Variants in ZNF567 observed in about 807,000 individuals in gnomAD.
ZNF567 encodes the protein zinc finger protein 567.
A neutral mutation model predicts 53.9 loss-of-function variants in ZNF567; 36 were observed. The ratio of observed to expected loss-of-function variants is 0.67; its 90% CI spans 0.51 to 0.88. ZNF567 has a LOEUF of 0.88. Ranked by LOEUF, ZNF567 falls within the 40% of genes least tolerant of loss-of-function variation. The probability of loss-of-function intolerance (pLI) is 0.00; values close to 1 mark genes in which losing one functional copy is unlikely to be tolerated. For missense variants in ZNF567, 619 were observed against 764.7 expected, an observed-to-expected ratio of 0.81 and a Z score of 2.25; for synonymous variants, 224 against 260.4, an observed-to-expected ratio of 0.86 and a Z score of 1.35.
At chr19:36,670,107 G>A in the ZNF567 span, among the ~76,000 whole-genome samples, 6 of 152,078 alleles carry the variant, frequency 3.9e-5, no homozygotes, top group Non-Finnish European at 1.5e-5. Flanking sequence ...TCAATTCCAG[G>A]AGATCCAAAA....
chr19:36,683,441 T>C (rs1209000875), upstream of ZNF567, among the ~76,000 whole-genome samples: 2 of 152,204 alleles, frequency 1.3e-5, no homozygotes, highest in Non-Finnish European at 2.9e-5. Flanking sequence ...TCAGTTCTGG[T>C]TTTTGTTTCT....
At chr19:36,724,233 C>T (rs1214753796), downstream of ZNF567, among the ~76,000 whole-genome samples, 7 of 151,400 alleles carry the variant, frequency 4.6e-5, no homozygotes, top group African/African-American at 7.3e-5. Flanking sequence ...CTCGAACATC[C>T]GACTTCAGGT....
At chr19:36,677,458 CAAAAAAA>C in the ZNF567 span, among the ~76,000 whole-genome samples, 15,396 of 49,784 alleles carry the variant, frequency 0.31, 719 homozygotes, top group South Asian at 0.37. Flanking sequence ...GACTCTGTCT[CAAAAAAA>C]AAAAAAAAAA....
downstream of ZNF567, among the ~76,000 whole-genome samples, chr19:36,724,876 A>T (rs1233565450): frequency 1.3e-5 from 2 of 151,790 alleles, no homozygotes; most frequent in Non-Finnish European, 2.9e-5. Flanking sequence ...AAAAGTTCAC[A>T]TTCCTCCATA....
the ZNF567 span, among the ~76,000 whole-genome samples, chr19:36,682,566 G>A: frequency 4.0e-5 from 6 of 149,164 alleles, no homozygotes; most frequent in South Asian, 2.1e-4. Flanking sequence ...CTGTAATGGC[G>A]GTTGCATGGG....
rs1410537290 is a variant in ZNF567 at position 36,720,865 on chromosome 19, T to C, written c.*197T>C. ...CATTATTATTGAACTCTATCAGCTA[T>C]GAAGCTAAATTTTAAAGTCAACTGC... On this transcript the variant is annotated 3_prime_UTR_variant, in exon 6 of 6. Coordinates refer to ENST00000682579, the MANE Select transcript of ZNF567 (RefSeq NM_001322917.1). 4.8e-6 allele frequency: 2 copies of C among 419,698 alleles called. No individual in the cohort carries two copies. The highest frequency in any genetic ancestry group is 7.9e-6 in the Non-Finnish European group (2 of 251,814). 26.0% of individuals were successfully genotyped at this position (419,698 alleles called of 1,614,324 possible).
the ZNF567 span, among the ~76,000 whole-genome samples, chr19:36,681,245 C>T: frequency 6.6e-6 from 1 of 152,102 alleles, no homozygotes; most frequent in Non-Finnish European, 1.5e-5. Flanking sequence ...AATCCTTCCA[C>T]CTCAGGCTCC....
intron 3 of ZNF567, among the ~76,000 whole-genome samples, chr19:36,707,886 A>G (rs6510562): frequency 0.046 from 7,024 of 151,964 alleles, 466 homozygotes; most frequent in African/African-American, 0.14. Context: ...GCCTATAATA[A>G]TCCTGTTTTA....
chr19:36,712,928 TG>T (rs2039864591), intron 5 of ZNF567, 61 bp downstream of exon 5: 1 of 1,315,702 alleles, frequency 7.6e-7, no homozygotes, highest in South Asian at 1.3e-5. Context: ...AAGGGTCAAG[TG>T]GGGGTGATAC....
At chr19:36,722,851 CAG>C (rs893631892), downstream of ZNF567, among the ~76,000 whole-genome samples, 80 of 152,148 alleles carry the variant, frequency 5.3e-4, no homozygotes, top group African/African-American at 1.9e-3. Context: ...TAGTAGCACA[CAG>C]AAAACACACG....
In ZNF567 at chr19:36,703,339, G is replaced by T. The variant is rs531308372; in HGVS notation, c.9+8463G>T. On this transcript the variant is annotated intron_variant, in intron 3 of 5. Transcript: ENST00000682579. ...GTGAGGTGTCAGTCTGCCCCTACTG[G>T]GGGGGGTGCCTCCCAGTTAGGCTGC... is the stretch of plus-strand genomic sequence containing the variant. Among the ~76,000 whole-genome samples, 74 of 151,658 alleles carry T rather than the reference G, an allele frequency of 4.9e-4. 2 individuals are homozygous for T. The highest frequency in any genetic ancestry group is 4.1e-3 in the Admixed American group (62 of 15,224).
the ZNF567 span, among the ~76,000 whole-genome samples, chr19:36,667,153 G>A: frequency 6.6e-6 from 1 of 152,184 alleles, no homozygotes; most frequent in Non-Finnish European, 1.5e-5. Flanking sequence ...GTTTTGTTGT[G>A]CGCGTGTCCG....
At position 36,720,520 on chromosome 19, in the gene ZNF567, G is replaced by A. The variant is rs771484676; in HGVS notation, c.1796G>A (p.Arg599His). 25 of 1,613,908 alleles carry A rather than the reference G, an allele frequency of 1.5e-5. No individual in the cohort carries two copies. Among genetic ancestry groups the A allele is most frequent in the Non-Finnish European group, 1.9e-5 (23 of 1,180,002 alleles). ...TGTAGTGAATGTGGAAAGTGCTTCC[G>A]CCAGAAGACAAATCTTATTGTACAT... is the stretch of plus-strand genomic sequence containing the variant. ...YKCSECGKCF[R>H]QKTNLIVHQR... The change falls in exon 6 of 6, where the codon CGC (arginine) becomes CAC (histidine). Residue 599 changes from arginine to histidine, a missense_variant. Physicochemically the swap from Arg to His is conservative, Grantham distance 29 (BLOSUM62 0). Transcript: ENST00000682579.
chr19:36,703,923 G>A lies in ZNF567; in HGVS notation c.10-8463G>A, dbSNP rs191790304. 7.2e-3 allele frequency among the ~76,000 whole-genome samples: 1,090 copies of A among 152,296 alleles called. 12 individuals carry two copies. The highest frequency in any genetic ancestry group is 0.024 in the African/African-American group (1,012 of 41,568). On this transcript the variant is annotated intron_variant, in intron 3 of 5. Transcript: ENST00000682579. ...CTCGCCCTGCTTCGTCTCGCGCATG[G>A]TGCGCTGCACCCACTGTCCTGCGCC...
rs78215456 is a variant in ZNF567 at position 36,711,123 on chromosome 19, G to A, written c.10-1263G>A. ...GTCTCTCTCTGTCACCCAGACTGGA[G>A]TGCAGTGGCACAATCTCGGCTCACT... On this transcript the variant is annotated intron_variant, in intron 3 of 5. Coordinates refer to ENST00000682579, the MANE Select transcript of ZNF567 (RefSeq NM_001322917.1). 837 of 152,428 alleles carry A rather than the reference G, an allele frequency of 5.5e-3. 23 individuals carry two copies. The highest frequency in any genetic ancestry group is 0.037 in the Admixed American group (566 of 15,274). 9.4% of individuals were successfully genotyped at this position (152,428 alleles called of 1,614,324 possible).
At chr19:36,695,345 A>G (rs1195608668) in intron 3 of ZNF567, among the ~76,000 whole-genome samples, 1 of 152,068 alleles carries the variant, frequency 6.6e-6, no homozygotes, top group Non-Finnish European at 1.5e-5. Flanking sequence ...CCTGGCCAAC[A>G]TGGTGAAATG....
chr19:36,677,014 G>T, the ZNF567 span, among the ~76,000 whole-genome samples: 1 of 151,662 alleles, frequency 6.6e-6, no homozygotes, highest in Admixed American at 6.6e-5. Context: ...AATTAGCTGG[G>T]TATGATGGTG....
chr19:36,682,489 AC>A, the ZNF567 span, among the ~76,000 whole-genome samples: 2 of 151,582 alleles, frequency 1.3e-5, no homozygotes, highest in East Asian at 3.9e-4. Context: ...CTAATGGTTA[AC>A]TTTGAGGTAT....
rs2040254102 is a variant in ZNF567, at chr19:36,720,322, A to G, written c.1598A>G (p.Tyr533Cys). The G allele has an allele frequency of 3.7e-6, 6 of 1,614,168 alleles. No homozygotes were observed. The highest frequency in any genetic ancestry group is 2.2e-5 in the East Asian group (1 of 44,876). The change falls in exon 6 of 6, where the codon TAT (tyrosine) becomes TGT (cysteine). Residue 533 changes from tyrosine (Y) to cysteine (C), a missense_variant. By Grantham distance (194) the Tyr-to-Cys change is radical (BLOSUM62 -2). Coordinates refer to ENST00000682579, the MANE Select transcript of ZNF567 (RefSeq NM_001322917.1). Reference protein sequence around the residue: ...HQRIHTGEKPYVCNECGKSFR... With the variant: ...HQRIHTGEKPCVCNECGKSFR... ...AGAATTCATACAGGGGAGAAACCCT[A>G]TGTTTGTAATGAATGTGGGAAGTCC...
Sources: gnomAD v4.1 joint callset for allele counts (sites outside exome capture counted in the v4.1 genomes callset) on GRCh38, gnomAD v4.1.1 for gene constraint, MANE v1.5 for transcripts, NCBI Gene and HGNC (gene_info 2026-07-23, HGNC 2026-07-21) for gene names.